The following PCDHGA11 variants were observed in gnomAD, a reference collection of about 807,000 sequenced individuals.
PCDHGA11 encodes protocadherin gamma subfamily A, 11, also known as protocadherin gamma-A11.
In PCDHGA11, 39 loss-of-function variants were observed where a neutral mutation model predicts 60.4. The ratio of observed to expected loss-of-function variants is 0.65; its 90% CI spans 0.50 to 0.84. PCDHGA11 has a LOEUF of 0.84. Among genes scored for constraint, PCDHGA11 ranks in the 40% least tolerant of loss-of-function variants. The pLI, the probability that PCDHGA11 is intolerant of heterozygous loss-of-function variation, is 0.00. For synonymous variants in PCDHGA11, 533 were observed against 510.3 expected, an observed-to-expected ratio of 1.04 and a Z score of -0.60; for missense variants, 1,165 against 1,197.7, an observed-to-expected ratio of 0.97 and a Z score of 0.40.
rs149314216 is a variant in PCDHGA11, at chr5:141,487,041, G to A, written c.2434-7766G>A. 2.1e-3 allele frequency: 3,442 copies of A among 1,614,128 alleles called. 3 individuals carry two copies. Among genetic ancestry groups the A allele is most frequent in the Non-Finnish European group, 2.7e-3 (3,235 of 1,180,026 alleles). ...GATCCCAGCCTGTTTGCAGTCTCTC[G>A]ATATGCTGGGGAGGTGCGGACGGCT... On this transcript the variant is annotated intron_variant, in intron 1 of 3. Transcript: ENST00000398587. The surrounding 1 kb of genome is among the most constrained non-coding windows in gnomAD (Gnocchi z 5.0).
At chr5:141,455,020 G>A (rs201196115) in intron 1 of PCDHGA11, among the ~76,000 whole-genome samples, 1 of 151,166 alleles carries the variant, frequency 6.6e-6, no homozygotes, top group African/African-American at 2.4e-5. Context: ...CACCGTGTTA[G>A]CCAGGATGGT....
chr5:141,450,829 A>ATTT (rs373424450), intron 1 of PCDHGA11, among the ~76,000 whole-genome samples: 12,063 of 134,876 alleles, frequency 0.089, 619 homozygotes, highest in African/African-American at 0.14. Flanking sequence ...TATTATTATT[A>ATTT]TTTTTTTTTT....
intron 1 of PCDHGA11, among the ~76,000 whole-genome samples, chr5:141,469,162 G>A (rs2099192596): frequency 6.6e-6 from 1 of 152,062 alleles, no homozygotes; most frequent in Admixed American, 6.6e-5. Flanking sequence ...TGTAGTCCCA[G>A]CTACTTGGGA....
chr5:141,510,825 G>C, intron 3 of PCDHGA11, 122 bp from the exon 4 acceptor site: 2 of 1,566,486 alleles, frequency 1.3e-6, no homozygotes, highest in Non-Finnish European at 1.7e-6. Flanking sequence ...TATATTCCCA[G>C]TGCTCAGCGT....
intron 1 of PCDHGA11, among the ~76,000 whole-genome samples, chr5:141,455,290 T>C (rs551962783): frequency 5.3e-5 from 8 of 152,206 alleles, no homozygotes; most frequent in East Asian, 1.9e-4. Flanking sequence ...TCACTTTACA[T>C]AGTTTCATCT....
intron 1 of PCDHGA11, among the ~76,000 whole-genome samples, chr5:141,457,319 G>A (rs914658873): frequency 7.9e-5 from 12 of 152,086 alleles, no homozygotes; most frequent in East Asian, 3.8e-4. Flanking sequence ...AGAAACCTCC[G>A]GGTTACAGGT....
chr5:141,431,748 G>A lies in PCDHGA11; in HGVS notation c.2433+8088G>A, dbSNP rs759671844. On this transcript the variant is annotated intron_variant, in intron 1 of 3. Coordinates refer to ENST00000398587, the MANE Select transcript of PCDHGA11 (RefSeq NM_018914.3). This position sits in a 1 kb window ranked among gnomAD's most constrained non-coding sequence, Gnocchi z 4.8. ...ATGGATAATGCAGGATATTCTGCGC[G>A]AGCCAAAGTCCTGATCACTGTTCTG... 4 of 1,614,078 alleles carry A rather than the reference G, an allele frequency of 2.5e-6. No individual in the cohort carries two copies. Among genetic ancestry groups the A allele is most frequent in the African/African-American group, 1.3e-5 (1 of 74,934 alleles).
Position 141,433,359 on chromosome 5 carries a change from CTAT to C in PCDHGA11, c.2433+9700_2433+9702del, listed in dbSNP as rs2097588942. 4 of 228,708 alleles carry C rather than the reference CTAT, an allele frequency of 1.7e-5. No homozygotes were observed. In the African/African-American group the frequency reaches 3.4e-4, roughly 19 times the overall value. The allele number at this position is 228,708 out of a possible 1,614,324, so 14.2% of individuals were successfully genotyped here. ...CAGGTGCAAGCCACCTACTGTCTGC[CTAT>C]CTATCTATCTATCTATCTATCTATC... On this transcript the variant is annotated intron_variant, in intron 1 of 3. Coordinates refer to ENST00000398587, the MANE Select transcript of PCDHGA11 (RefSeq NM_018914.3).
chr5:141,456,888 G>A (rs376401806), intron 1 of PCDHGA11, among the ~76,000 whole-genome samples: 5 of 152,118 alleles, frequency 3.3e-5, no homozygotes, highest in Admixed American at 1.3e-4. Context: ...GCTTGAACCC[G>A]GGAGGCAGAG....
chr5:141,492,998 C>A (rs2154589328), intron 1 of PCDHGA11, among the ~76,000 whole-genome samples: 1 of 152,334 alleles, frequency 6.6e-6, no homozygotes, highest in Admixed American at 6.5e-5. Flanking sequence ...AGATGGAAAG[C>A]TATAGGCTCT....
chr5:141,494,807 C>A lies in PCDHGA11; in HGVS notation c.2434C>A (p.Gln812Lys), dbSNP rs568448786. Residue 812 changes from glutamine to lysine, a missense_variant and splice_region_variant, in exon 2 of 4, where the codon CAA (glutamine) becomes AAA (lysine). Coordinates refer to ENST00000398587, the MANE Select transcript of PCDHGA11 (RefSeq NM_018914.3). ...CCCTTTCCCTCTGTTTTCTCCACAGCAAGCCCCGCCCAACACGGACTGGCG... is the reference window on the plus strand; with the variant it reads ...CCCTTTCCCTCTGTTTTCTCCACAGAAAGCCCCGCCCAACACGGACTGGCG... ...LGKCDPTSNQ[Q>K]APPNTDWRFS... The A allele has an allele frequency of 2.5e-5, 40 of 1,614,144 alleles. No individual in the cohort carries two copies. The South Asian group carries it at 4.0e-4, about 16-fold the overall frequency.
intron 1 of PCDHGA11, chr5:141,430,850 A>T (rs1204872595): frequency 6.3e-7 from 1 of 1,582,670 alleles, no homozygotes; most frequent in South Asian, 1.2e-5. Context: ...ATGCACCCAG[A>T]TACGCTATTC....
At chr5:141,497,468 G>A (rs912445126) in intron 2 of PCDHGA11, among the ~76,000 whole-genome samples, 10 of 151,996 alleles carry the variant, frequency 6.6e-5, no homozygotes, top group African/African-American at 2.4e-4. Flanking sequence ...GAGATATGGA[G>A]GAGAAGGTGC....
Position 141,511,464 on chromosome 5 carries a change from C to G in PCDHGA11, c.*291C>G. 1.9e-6 allele frequency: 1 copy of G among 538,254 alleles called. No individual in the cohort carries two copies. The highest frequency in any genetic ancestry group is 2.1e-5 in the South Asian group (1 of 47,028). The allele number at this position is 538,254 out of a possible 1,614,324, so 33.3% of individuals were successfully genotyped here. On this transcript the variant is annotated 3_prime_UTR_variant, in exon 4 of 4. Transcript: ENST00000398587. ...ACACCAAGAACCATTTGCCACACCC[C>G]GTTTAGTTACAGCTGAACTCCTCCA...
In PCDHGA11 at chr5:141,421,696, A is replaced by G; in HGVS notation, c.469A>G (p.Asn157Asp). The G allele has an allele frequency of 6.2e-7, 1 of 1,613,886 alleles. No individual in the cohort carries two copies. Among genetic ancestry groups the G allele is most frequent in the Non-Finnish European group, 8.5e-7 (1 of 1,179,854 alleles). The change falls in exon 1 of 4, where the codon AAT becomes GAT. Residue 157 changes from asparagine to aspartate, a missense_variant. Transcript: ENST00000398587. ...AIPGARFALP[N>D]ARDPDVGVNS... ...TCCTGGGGCGCGATTTGCTCTTCCT[A>G]ATGCTAGGGATCCAGATGTGGGCGT...
Position 141,432,099 on chromosome 5 carries a change from A to G in PCDHGA11, c.2433+8439A>G. On this transcript the variant is annotated intron_variant, in intron 1 of 3. Transcript: ENST00000398587. This position sits in a 1 kb window ranked among gnomAD's most constrained non-coding sequence, Gnocchi z 6.0. ...TCGCTGAACGTGGCAGACACCAACG[A>G]CAACCCGCCGGTCTTCCCTCAGGCC... 6.2e-7 allele frequency: 1 copy of G among 1,614,102 alleles called. No homozygotes were observed. The highest frequency in any genetic ancestry group is 1.1e-5 in the South Asian group (1 of 91,070).
intron 1 of PCDHGA11, among the ~76,000 whole-genome samples, chr5:141,466,080 C>A (rs1186062704): frequency 6.6e-6 from 1 of 152,108 alleles, no homozygotes; most frequent in East Asian, 1.9e-4. Flanking sequence ...TGATATCATG[C>A]CACTGCACTC....
At chr5:141,451,640 G>A (rs2098720679) in intron 1 of PCDHGA11, among the ~76,000 whole-genome samples, 1 of 152,166 alleles carries the variant, frequency 6.6e-6, no homozygotes, top group South Asian at 2.1e-4. Context: ...CCAGCACTCT[G>A]AGAGGCCAAG....
In PCDHGA11 at chr5:141,422,734, T is replaced by A; in HGVS notation, c.1507T>A (p.Ser503Thr). ...TGACACTGTCCAGGGGGTGCCTCTG[T>A]CCTCCTATGTCTCTATTAACTCCAA... Reference protein sequence around the residue: ...TDDTVQGVPLSSYVSINSNTG... With the variant: ...TDDTVQGVPLTSYVSINSNTG... The change falls in exon 1 of 4, where the codon TCC (serine) becomes ACC (threonine). Residue 503 changes from serine (S) to threonine (T), a missense_variant. Coordinates refer to ENST00000398587, the MANE Select transcript of PCDHGA11 (RefSeq NM_018914.3). 1.2e-6 allele frequency: 2 copies of A among 1,608,114 alleles called. No homozygotes were observed. Among genetic ancestry groups the A allele is most frequent in the Non-Finnish European group, 1.7e-6 (2 of 1,176,534 alleles).
Sources: allele counts gnomAD v4.1 joint callset (sites outside exome capture counted in the v4.1 genomes callset), GRCh38; gene constraint gnomAD v4.1.1; non-coding constraint Gnocchi (gnomAD v3.1); transcripts MANE v1.5; gene names NCBI Gene and HGNC (gene_info 2026-07-23, HGNC 2026-07-21).